The following BTBD9 variants were observed in gnomAD, a reference collection of about 807,000 sequenced individuals.
The protein encoded by BTBD9 is BTB/POZ domain-containing protein 9.
Under a neutral mutation model 64.3 loss-of-function variants are expected in BTBD9, and 49 were observed. That is an observed-to-expected ratio of 0.76 (90% CI 0.61 to 0.97). BTBD9 has a LOEUF of 0.97. BTBD9 is among the 50% of genes least tolerant of loss of function. The pLI is 0.00. For synonymous variants in BTBD9, 260 were observed against 274.7 expected (o/e 0.95, Z 0.53); for missense variants, 598 against 762.1 (o/e 0.78, Z 2.53).
intron 6 of BTBD9, among the ~76,000 whole-genome samples, chr6:38,403,124 G>GAA (rs1582372250): frequency 3.8e-5 from 4 of 104,288 alleles, no homozygotes; most frequent in Non-Finnish European, 5.3e-5. Flanking sequence ...AAAGAAAAAA[G>GAA]AAAAGAAGAG....
At chr6:38,621,494 T>C (rs1777981079) in intron 1 of BTBD9, among the ~76,000 whole-genome samples, 1 of 152,148 alleles carries the variant, frequency 6.6e-6, no homozygotes, top group Admixed American at 6.5e-5. Flanking sequence ...TATGCCATAG[T>C]TAGTGATGTA....
intron 6 of BTBD9, among the ~76,000 whole-genome samples, chr6:38,478,172 T>C (rs1770977944): frequency 6.6e-6 from 1 of 152,114 alleles, no homozygotes; most frequent in South Asian, 2.1e-4. Flanking sequence ...GGTCAGAAGT[T>C]TAAAAATTTT....
At chr6:38,559,646 G>C (rs1775186468) in intron 6 of BTBD9, among the ~76,000 whole-genome samples, 1 of 152,114 alleles carries the variant, frequency 6.6e-6, no homozygotes, top group Non-Finnish European at 1.5e-5. Flanking sequence ...AAAGAACAAA[G>C]CTGGAGGCAT....
intron 9 of BTBD9, among the ~76,000 whole-genome samples, chr6:38,223,469 G>A (rs1379393299): frequency 6.6e-6 from 1 of 152,124 alleles, no homozygotes; most frequent in African/African-American, 2.4e-5. Flanking sequence ...AAGTAGGTGG[G>A]ACTACAGGCA....
intron 7 of BTBD9, among the ~76,000 whole-genome samples, chr6:38,294,650 CA>C (rs375044255): frequency 1.9e-4 from 29 of 152,078 alleles, no homozygotes; most frequent in African/African-American, 5.8e-4. Context: ...AGGGGCCTGT[CA>C]GGGGGTGGGG....
chr6:38,306,886 T>C (rs1156497272), intron 7 of BTBD9, among the ~76,000 whole-genome samples: 2 of 152,230 alleles, frequency 1.3e-5, no homozygotes, highest in Non-Finnish European at 2.9e-5. Flanking sequence ...CTGGGCTTTA[T>C]TCAATGTTTC....
chr6:38,371,581 C>G (rs1255131487), intron 6 of BTBD9, among the ~76,000 whole-genome samples: 1 of 152,160 alleles, frequency 6.6e-6, no homozygotes, highest in East Asian at 1.9e-4. Flanking sequence ...ACTGCCATCG[C>G]CATGATTCAT....
chr6:38,485,922 A>G (rs1771377517), intron 6 of BTBD9, among the ~76,000 whole-genome samples: 1 of 152,198 alleles, frequency 6.6e-6, no homozygotes, highest in African/African-American at 2.4e-5. Context: ...CTATCTTGAA[A>G]ATCTGCTGCT....
chr6:38,605,385 C>T (rs1777397655), intron 1 of BTBD9, among the ~76,000 whole-genome samples: 1 of 152,110 alleles, frequency 6.6e-6, no homozygotes. Context: ...GGCACTGCCT[C>T]CTTCTCATGA....
At chr6:38,177,036 C>T (rs1011453294) in intron 10 of BTBD9, among the ~76,000 whole-genome samples, 1 of 152,200 alleles carries the variant, frequency 6.6e-6, no homozygotes, top group Non-Finnish European at 1.5e-5. Flanking sequence ...CACGCCCACA[C>T]GCAGGACTTT....
At chr6:38,413,400 G>C (rs1767522970) in intron 6 of BTBD9, among the ~76,000 whole-genome samples, 1 of 152,166 alleles carries the variant, frequency 6.6e-6, no homozygotes, top group African/African-American at 2.4e-5. Context: ...ATTTTTAAGA[G>C]AAATTTCCCA....
intron 7 of BTBD9, among the ~76,000 whole-genome samples, chr6:38,308,417 C>G (rs1158341409): frequency 1.3e-5 from 2 of 152,160 alleles, no homozygotes; most frequent in African/African-American, 4.8e-5. Flanking sequence ...AACCAACATA[C>G]AAATAGTCAC....
intron 6 of BTBD9, among the ~76,000 whole-genome samples, chr6:38,530,373 A>T (rs535260859): frequency 3.3e-5 from 5 of 152,166 alleles, no homozygotes; most frequent in Admixed American, 3.3e-4. Context: ...CTGCCCTTTG[A>T]AGCATGTGAT....
chr6:38,485,232 A>G (rs545765203), intron 6 of BTBD9, among the ~76,000 whole-genome samples: 8 of 152,214 alleles, frequency 5.3e-5, no homozygotes, highest in Non-Finnish European at 8.8e-5. Flanking sequence ...CAATCCAGTC[A>G]TATCTTCAGA....
At chr6:38,627,737 AT>A (rs375738195) in intron 1 of BTBD9, among the ~76,000 whole-genome samples, 5 of 151,602 alleles carry the variant, frequency 3.3e-5, no homozygotes, top group Middle Eastern at 3.4e-3. Flanking sequence ...TTAAAAAGTG[AT>A]TTTTTTTTAA....
At chr6:38,445,049 A>G (rs1294230294) in intron 6 of BTBD9, among the ~76,000 whole-genome samples, 3 of 152,132 alleles carry the variant, frequency 2.0e-5, no homozygotes, top group Admixed American at 6.5e-5. Flanking sequence ...GGAATATTGA[A>G]TTGCTAGAGT....
At chr6:38,411,234 T>C (rs1767412869) in intron 6 of BTBD9, among the ~76,000 whole-genome samples, 1 of 152,104 alleles carries the variant, frequency 6.6e-6, no homozygotes. Context: ...TAAGGCTAAT[T>C]TAGAAGAGCA....
chr6:38,578,165 C>A (rs554969492), intron 5 of BTBD9, among the ~76,000 whole-genome samples: 5 of 152,054 alleles, frequency 3.3e-5, no homozygotes, highest in African/African-American at 9.7e-5. Context: ...CCAGGGTGTT[C>A]GGCCACCCCT....
chr6:38,223,887 A>C lies in BTBD9; in HGVS notation c.1563-31290T>G, dbSNP rs540317323. On this transcript the variant is annotated intron_variant, in intron 9 of 10. Coordinates refer to ENST00000481247, the MANE Select transcript of BTBD9 (RefSeq NM_001099272.2). The stretch of plus-strand genomic sequence containing the variant: ...CTGTTCTAGGTTTACTTCTTTCTAT[A>C]GTTTTTTTGGAGTGACTAGAAATTC... Among the ~76,000 whole-genome samples, 36 of 151,348 alleles carry C rather than the reference A, an allele frequency of 2.4e-4. 1 individual carries two copies. The South Asian group carries it at 7.5e-3, about 32-fold the overall frequency.
Sources: gnomAD v4.1 joint callset for allele counts (sites outside exome capture counted in the v4.1 genomes callset) on GRCh38, gnomAD v4.1.1 for gene constraint, MANE v1.5 for transcripts, NCBI Gene and HGNC (gene_info 2026-07-23, HGNC 2026-07-21) for gene names.